ABTB3: variants seen among roughly 807,000 people sequenced by gnomAD.
The protein encoded by ABTB3 is ankyrin repeat- and BTB/POZ domain-containing protein 3.
the ABTB3 span, among the ~76,000 whole-genome samples, chr12:107,548,456 G>C: frequency 6.6e-6 from 1 of 152,200 alleles, no homozygotes; most frequent in African/African-American, 2.4e-5. Flanking sequence ...AAGTAGGCCT[G>C]CATGCACCAT....
chr12:107,424,541 C>A, the ABTB3 span, among the ~76,000 whole-genome samples: 1 of 152,248 alleles, frequency 6.6e-6, no homozygotes, highest in African/African-American at 2.4e-5. Flanking sequence ...TGAGCCCCAG[C>A]TCTGCTACTT....
the ABTB3 span, among the ~76,000 whole-genome samples, chr12:107,444,110 C>T: frequency 6.6e-6 from 1 of 152,300 alleles, no homozygotes; most frequent in African/African-American, 2.4e-5. Flanking sequence ...CTGATTGGCT[C>T]AGGAACCCTG....
At chr12:107,468,016 G>A in the ABTB3 span, among the ~76,000 whole-genome samples, 35 of 152,104 alleles carry the variant, frequency 2.3e-4, no homozygotes, top group Non-Finnish European at 3.2e-4. Flanking sequence ...GAGACCCCTC[G>A]TCATTGCCTT....
the ABTB3 span, among the ~76,000 whole-genome samples, chr12:107,602,314 A>G: frequency 6.6e-6 from 1 of 152,322 alleles, no homozygotes; most frequent in South Asian, 2.1e-4. Context: ...TTTGTTAGAT[A>G]TGATATCTAA....
the ABTB3 span, among the ~76,000 whole-genome samples, chr12:107,440,336 C>T: frequency 3.3e-5 from 5 of 152,236 alleles, no homozygotes; most frequent in African/African-American, 7.2e-5. Flanking sequence ...CCCAAGCTCA[C>T]GCCGACTTCC....
At chr12:107,360,873 C>T in the ABTB3 span, among the ~76,000 whole-genome samples, 1 of 151,718 alleles carries the variant, frequency 6.6e-6, no homozygotes, top group Admixed American at 6.6e-5. Flanking sequence ...CCTTCCTCAG[C>T]CTCCTGAGTA....
At chr12:107,531,985 A>G in the ABTB3 span, among the ~76,000 whole-genome samples, 1 of 152,182 alleles carries the variant, frequency 6.6e-6, no homozygotes, top group Non-Finnish European at 1.5e-5. Flanking sequence ...GGTCTTGCAC[A>G]TCAGGGAGTC....
At chr12:107,508,169 G>A in the ABTB3 span, among the ~76,000 whole-genome samples, 1 of 151,968 alleles carries the variant, frequency 6.6e-6, no homozygotes. Context: ...CAAGAAGGAA[G>A]CTCCTTTGTT....
chr12:107,599,225 A>G, the ABTB3 span, among the ~76,000 whole-genome samples: 13 of 152,316 alleles, frequency 8.5e-5, 2 homozygotes, highest in South Asian at 2.5e-3. Context: ...CGCTTTTCTC[A>G]GTGCATGTTC....
At chr12:107,516,696 G>C in the ABTB3 span, among the ~76,000 whole-genome samples, 1 of 152,212 alleles carries the variant, frequency 6.6e-6, no homozygotes, top group Non-Finnish European at 1.5e-5. Flanking sequence ...GAGAGCAGGA[G>C]TGTGAAAGGC....
chr12:107,628,668 A>G, the ABTB3 span, among the ~76,000 whole-genome samples: 2 of 152,110 alleles, frequency 1.3e-5, no homozygotes, highest in African/African-American at 4.8e-5. Context: ...AAAAAAAGGG[A>G]TGAGGTTCAA....
the ABTB3 span, among the ~76,000 whole-genome samples, chr12:107,653,286 G>A: frequency 6.6e-6 from 1 of 152,164 alleles, no homozygotes; most frequent in African/African-American, 2.4e-5. Context: ...GCAGGCCAAG[G>A]CAGGTGGATC....
chr12:107,607,884 C>T, the ABTB3 span, among the ~76,000 whole-genome samples: 1 of 152,152 alleles, frequency 6.6e-6, no homozygotes, highest in African/African-American at 2.4e-5. Context: ...CTCTTGTGGT[C>T]GTTCACTCCT....
chr12:107,474,703 A>G, the ABTB3 span, among the ~76,000 whole-genome samples: 102 of 152,206 alleles, frequency 6.7e-4, no homozygotes, highest in Non-Finnish European at 1.1e-3. Flanking sequence ...AATGAGAGAG[A>G]ACAATAGGAA....
the ABTB3 span, chr12:107,320,091 G>A: frequency 2.1e-6 from 3 of 1,425,676 alleles, no homozygotes; most frequent in Non-Finnish European, 1.9e-6. Context: ...TGTCTGCGCG[G>A]GTGCCACTCC....
At chr12:107,525,324 CAAAAAAAA>C in the ABTB3 span, among the ~76,000 whole-genome samples, 330 of 34,888 alleles carry the variant, frequency 9.5e-3, 3 homozygotes, top group East Asian at 0.063. Flanking sequence ...AAGATCCTGT[CAAAAAAAA>C]AAAAAAAAAA....
chr12:107,497,277 T>C, the ABTB3 span, among the ~76,000 whole-genome samples: 1 of 137,834 alleles, frequency 7.3e-6, no homozygotes, highest in Non-Finnish European at 1.6e-5. Context: ...TCCCCAACTT[T>C]ATCCTCAACA....
the ABTB3 span, among the ~76,000 whole-genome samples, chr12:107,374,108 G>A: frequency 6.6e-6 from 1 of 152,178 alleles, no homozygotes; most frequent in African/African-American, 2.4e-5. Flanking sequence ...GGCAGGGAAG[G>A]GGGCTGGGGG....
chr12:107,627,279 C>T, the ABTB3 span, among the ~76,000 whole-genome samples: 2 of 152,226 alleles, frequency 1.3e-5, no homozygotes, highest in Admixed American at 1.3e-4. Flanking sequence ...CCTCTGGCCT[C>T]CTTTTTCTCT....
Sources: gnomAD v4.1 joint callset for allele counts (sites outside exome capture counted in the v4.1 genomes callset) on GRCh38, gnomAD v4.1.1 for gene constraint, MANE v1.5 for transcripts, NCBI Gene and HGNC (gene_info 2026-07-23, HGNC 2026-07-21) for gene names.